Variants in ADAT2 observed in about 807,000 individuals in gnomAD.
ADAT2 encodes the protein adenosine deaminase tRNA specific 2.
Under a neutral mutation model 25.9 loss-of-function variants are expected in ADAT2, and 26 were observed. The ratio of observed to expected loss-of-function variants is 1.00; its 90% CI spans 0.74 to 1.39. The LOEUF is 1.39. Ranked by LOEUF, ADAT2 falls within the 40% of genes most tolerant of loss-of-function variation. ADAT2 has a pLI of 0.00. For missense variants in ADAT2, 220 were observed against 244.8 expected (o/e 0.90, Z 0.68); for synonymous variants, 76 against 86.8 (o/e 0.88, Z 0.69).
rs780074983 is a variant in ADAT2, at chr6:143,428,574, A to G, written c.532+38T>C. 13 of 1,612,566 alleles carry G rather than the reference A, an allele frequency of 8.1e-6. No homozygotes were observed. Among genetic ancestry groups the G allele is most frequent in the Non-Finnish European group, 7.6e-6 (9 of 1,178,872 alleles). Reference sequence around the variant, plus strand: ...CTCATAGCAGATTCTCTTTGTATGGATTTAAGGGAAGGACATTATCCACAA... The same window carrying G: ...CTCATAGCAGATTCTCTTTGTATGGGTTTAAGGGAAGGACATTATCCACAA... On this transcript the variant is annotated intron_variant, in intron 5 of 5. Transcript: ENST00000237283. The surrounding 1 kb of genome is among the most constrained non-coding windows in gnomAD (Gnocchi z 5.0).
In ADAT2 at chr6:143,442,431, G is replaced by A. The variant is rs1779486070; in HGVS notation, c.97-3737C>T. On this transcript the variant is annotated intron_variant, in intron 1 of 5. Transcript: ENST00000237283. This position sits in a 1 kb window ranked among gnomAD's most constrained non-coding sequence, Gnocchi z 4.6. ...CATGTGGTAGTGAAACAGTTCCAGT[G>A]GTGGTTATACAAAGCTAAACATGAC... Among the ~76,000 whole-genome samples the A allele has an allele frequency of 6.6e-6, 1 of 151,254 alleles. No homozygotes were observed. The highest frequency in any genetic ancestry group is 6.6e-5 in the Admixed American group (1 of 15,086).
At chr6:143,448,494 A>C (rs1213463586) in intron 1 of ADAT2, among the ~76,000 whole-genome samples, 1 of 152,194 alleles carries the variant, frequency 6.6e-6, no homozygotes, top group Admixed American at 6.5e-5. Context: ...TGTAATATAC[A>C]TGTTACATAC....
intron 1 of ADAT2, among the ~76,000 whole-genome samples, chr6:143,439,297 A>T (rs1043154133): frequency 1.3e-5 from 2 of 151,478 alleles, no homozygotes; most frequent in Non-Finnish European, 2.9e-5. Context: ...CACACAGTCT[A>T]TAACAAAATT....
chr6:143,438,770 A>G, intron 1 of ADAT2, 76 bp from the exon 2 acceptor site: 1 of 1,185,514 alleles, frequency 8.4e-7, no homozygotes, highest in Non-Finnish European at 1.3e-6. Flanking sequence ...GAGATGCAGC[A>G]TGAACAAGAT....
chr6:143,444,003 G>C lies in ADAT2; in HGVS notation c.97-5309C>G, dbSNP rs1779530241. Among the ~76,000 whole-genome samples the C allele has an allele frequency of 6.6e-6, 1 of 152,076 alleles. No individual in the cohort carries two copies. The highest frequency in any genetic ancestry group is 1.5e-5 in the Non-Finnish European group (1 of 68,008). Reference sequence around the variant, plus strand: ...GGGCCGAGTGGAAAGGACGTGAGTGGGATGGGAGATGAGATTCCATGTTGC... The same window carrying C: ...GGGCCGAGTGGAAAGGACGTGAGTGCGATGGGAGATGAGATTCCATGTTGC... On this transcript the variant is annotated intron_variant, in intron 1 of 5. Transcript: ENST00000237283. The surrounding 1 kb of genome is among the most constrained non-coding windows in gnomAD (Gnocchi z 4.3).
At chr6:143,449,052 C>CTTTTTTTTT (rs145460814) in intron 1 of ADAT2, among the ~76,000 whole-genome samples, 1 of 151,098 alleles carries the variant, frequency 6.6e-6, no homozygotes, top group Non-Finnish European at 1.5e-5. Context: ...TACTTTGTAT[C>CTTTTTTTTT]TTTTTCTTTT....
At chr6:143,439,504 G>A (rs1382240984) in intron 1 of ADAT2, among the ~76,000 whole-genome samples, 1 of 152,112 alleles carries the variant, frequency 6.6e-6, no homozygotes, top group East Asian at 1.9e-4. Context: ...ATACTAGTCG[G>A]CAATAAAAAG....
intron 1 of ADAT2, among the ~76,000 whole-genome samples, chr6:143,448,114 A>C (rs561281420): frequency 1.2e-4 from 18 of 152,304 alleles, no homozygotes; most frequent in Non-Finnish European, 2.1e-4. Context: ...ACATGGATGA[A>C]GCTGTTAACC....
intron 1 of ADAT2, among the ~76,000 whole-genome samples, chr6:143,443,514 C>G (rs563862848): frequency 6.6e-6 from 1 of 151,934 alleles, no homozygotes; most frequent in Admixed American, 6.6e-5. Flanking sequence ...CTGGGTAACA[C>G]AGCAAGACCC....
intron 1 of ADAT2, among the ~76,000 whole-genome samples, chr6:143,443,830 T>TA (rs397970399): frequency 0.023 from 2,995 of 131,848 alleles, 99 homozygotes; most frequent in African/African-American, 0.076. Context: ...AACTCTGTCT[T>TA]AAAAAAAAAA....
At chr6:143,429,145 T>C (rs1053597317) in intron 4 of ADAT2, among the ~76,000 whole-genome samples, 4 of 152,242 alleles carry the variant, frequency 2.6e-5, no homozygotes, top group Non-Finnish European at 5.9e-5. Flanking sequence ...AAGCATTCCA[T>C]GCTATAGAGC....
Position 143,428,732 on chromosome 6 carries a change from G to A in ADAT2, c.460-48C>T. ...AATAAACATAGGCCTATGAAAATGT[G>A]TGCTGTATCCCATAAAAACAACATA... On this transcript the variant is annotated intron_variant, in intron 4 of 5. Transcript: ENST00000237283. This position sits in a 1 kb window ranked among gnomAD's most constrained non-coding sequence, Gnocchi z 5.0. 1 of 1,558,246 alleles carries A rather than the reference G, an allele frequency of 6.4e-7. No homozygotes were observed.
chr6:143,432,355 A>G lies in ADAT2; in HGVS notation c.459+150T>C. 1.4e-6 allele frequency: 1 copy of G among 689,912 alleles called. No individual in the cohort carries two copies. Among genetic ancestry groups the G allele is most frequent in the Non-Finnish European group, 2.5e-6 (1 of 406,270 alleles). The allele number at this position is 689,912 out of a possible 1,614,324, so 42.7% of individuals were successfully genotyped here. On this transcript the variant is annotated intron_variant, in intron 4 of 5. Transcript: ENST00000237283. The surrounding 1 kb of genome is among the most constrained non-coding windows in gnomAD (Gnocchi z 4.4). Reference sequence around the variant, plus strand: ...CTTCCCTGTCATCTTATACTGAGGCATAAATGAACTCCACCAGAGGCCCTG... The same window carrying G: ...CTTCCCTGTCATCTTATACTGAGGCGTAAATGAACTCCACCAGAGGCCCTG...
chr6:143,436,571 G>A lies in ADAT2; in HGVS notation c.201+2019C>T. 2.4e-6 allele frequency: 1 copy of A among 411,898 alleles called. No individual in the cohort carries two copies. The highest frequency in any genetic ancestry group is 5.0e-6 in the Non-Finnish European group (1 of 201,134). The allele number at this position is 411,898 out of a possible 1,614,324, so 25.5% of individuals were successfully genotyped here. ...AAGGCCTTCCTGCACTGGTACATGG[G>A]CGAGGGCAAGAATGAGATGGAATTC... On this transcript the variant is annotated intron_variant, in intron 2 of 5. Transcript: ENST00000237283. This position sits in a 1 kb window ranked among gnomAD's most constrained non-coding sequence, Gnocchi z 4.1.
intron 1 of ADAT2, among the ~76,000 whole-genome samples, chr6:143,449,334 G>A (rs935545796): frequency 3.9e-4 from 59 of 152,206 alleles, no homozygotes; most frequent in African/African-American, 1.2e-3. Flanking sequence ...TTACAGGCAT[G>A]AGCCACTGCA....
rs1203725531 is a variant in ADAT2 at position 143,450,534 on chromosome 6, C to T, written c.96+29G>A. ...TTGAGGGCTGGAGAAAGGTCCCACC[C>T]CGCAGCATCTACCTCCCGGGCTCCT... On this transcript the variant is annotated intron_variant, in intron 1 of 5. Transcript: ENST00000237283. 1.9e-6 allele frequency: 3 copies of T among 1,612,580 alleles called. No individual in the cohort carries two copies. The South Asian group carries it at 3.3e-5, about 18-fold the overall frequency.
At chr6:143,429,862 C>T (rs1305859318) in intron 4 of ADAT2, among the ~76,000 whole-genome samples, 1 of 152,114 alleles carries the variant, frequency 6.6e-6, no homozygotes, top group Non-Finnish European at 1.5e-5. Context: ...CCTGGGCCTC[C>T]GACACCTGCA....
rs571957551 is a variant in ADAT2, at chr6:143,440,959, G to A, written c.97-2265C>T. ...AAGGCACCCACAGAAGGCAAGAGGC[G>A]AAGTGATAACGGAAGGAGAGAGAGA... On this transcript the variant is annotated intron_variant, in intron 1 of 5. Transcript: ENST00000237283. The surrounding 1 kb of genome is among the most constrained non-coding windows in gnomAD (Gnocchi z 4.5). Among the ~76,000 whole-genome samples the A allele has an allele frequency of 1.1e-4, 16 of 152,182 alleles. No individual in the cohort carries two copies. The highest frequency in any genetic ancestry group is 3.4e-4 in the African/African-American group (14 of 41,438).
At chr6:143,438,953 G>T (rs1583983290) in intron 1 of ADAT2, among the ~76,000 whole-genome samples, 1 of 152,256 alleles carries the variant, frequency 6.6e-6, no homozygotes, top group East Asian at 1.9e-4. Flanking sequence ...AAATAGACGT[G>T]ATCAAAGGAG....
Sources: allele counts gnomAD v4.1 joint callset (sites outside exome capture counted in the v4.1 genomes callset), GRCh38; gene constraint gnomAD v4.1.1; non-coding constraint Gnocchi (gnomAD v3.1); transcripts MANE v1.5; gene names NCBI Gene and HGNC (gene_info 2026-07-23, HGNC 2026-07-21).